RBFOX3: variants seen among roughly 807,000 people sequenced by gnomAD.
The protein encoded by RBFOX3 is RNA binding protein fox-1 homolog 3.
Under a neutral mutation model 48.7 loss-of-function variants are expected in RBFOX3, and 17 were observed. The observed-to-expected ratio is 0.35, with a 90% confidence interval of 0.24 to 0.52. The LOEUF (loss-of-function observed/expected upper bound fraction) is 0.52. Ranked by LOEUF, RBFOX3 falls within the 20% of genes least tolerant of loss-of-function variation. RBFOX3 has a pLI of 0.94. For missense variants in RBFOX3, 382 were observed against 497.5 expected (o/e 0.77, Z 2.21); for synonymous variants, 212 against 209.5 (o/e 1.01, Z -0.10).
intron 4 of RBFOX3, among the ~76,000 whole-genome samples, chr17:79,183,712 T>TGCGCGCGTGTGCGC (rs1211272795): frequency 6.6e-6 from 1 of 150,376 alleles, no homozygotes; most frequent in Non-Finnish European, 1.5e-5. Flanking sequence ...CGTGTGTGAG[T>TGCGCGCGTGTGCGC]GCGCGCGTGT....
chr17:79,206,385 G>A (rs2057482298), intron 4 of RBFOX3, among the ~76,000 whole-genome samples: 1 of 152,154 alleles, frequency 6.6e-6, no homozygotes, highest in Non-Finnish European at 1.5e-5. Flanking sequence ...CATCCCAGTG[G>A]TGCCCGACGT....
chr17:79,433,864 G>A (rs2068917295), intron 2 of RBFOX3, among the ~76,000 whole-genome samples: 1 of 152,234 alleles, frequency 6.6e-6, no homozygotes, highest in Non-Finnish European at 1.5e-5. Flanking sequence ...GGTCGCAAAA[G>A]TTTCATCGGT....
intron 1 of RBFOX3, among the ~76,000 whole-genome samples, chr17:79,523,401 G>C (rs1165240740): frequency 1.3e-5 from 2 of 152,206 alleles, no homozygotes; most frequent in Admixed American, 6.5e-5. Context: ...ACCCCACTGT[G>C]TTTCAAGTGT....
chr17:79,122,245 GTCC>G (rs1226999708), intron 4 of RBFOX3, among the ~76,000 whole-genome samples: 1 of 152,090 alleles, frequency 6.6e-6, no homozygotes, highest in African/African-American at 2.4e-5. Context: ...CTCCTGTCTG[GTCC>G]TCCTACTTCC....
intron 4 of RBFOX3, among the ~76,000 whole-genome samples, chr17:79,166,791 G>A (rs1331046670): frequency 6.6e-6 from 1 of 152,220 alleles, no homozygotes; most frequent in East Asian, 1.9e-4. Context: ...ACAAAGGGAA[G>A]TTGCCAATAA....
chr17:79,547,951 A>G (rs1371301106), intron 1 of RBFOX3, among the ~76,000 whole-genome samples: 2 of 152,206 alleles, frequency 1.3e-5, no homozygotes, highest in African/African-American at 4.8e-5. Context: ...GGCCCTGCCG[A>G]GGGCTGGCCA....
In RBFOX3 at chr17:79,161,388, G is replaced by GCTTC. The variant is rs1331604393; in HGVS notation, c.-33-45641_-33-45640insGAAG. ...GGCCTGGAAGCACCGCATGGCTCCAGCACACACCCCGATCCCATCACTTCC... is the reference window on the plus strand; with the variant it reads ...GGCCTGGAAGCACCGCATGGCTCCAGCTTCCACACACCCCGATCCCATCACTTCC... On this transcript the variant is annotated intron_variant, in intron 4 of 14. Transcript: ENST00000693108. Among the ~76,000 whole-genome samples, 44 of 152,304 alleles carry GCTTC rather than the reference G, an allele frequency of 2.9e-4. No individual in the cohort carries two copies. In the South Asian group the frequency reaches 3.5e-3, roughly 12 times the overall value.
the RBFOX3 span, among the ~76,000 whole-genome samples, chr17:79,638,698 G>A: frequency 6.6e-6 from 1 of 152,218 alleles, no homozygotes; most frequent in Non-Finnish European, 1.5e-5. Context: ...TCTTAGGGAA[G>A]AGGGGTGAGC....
intron 1 of RBFOX3, among the ~76,000 whole-genome samples, chr17:79,527,374 A>G (rs983450047): frequency 4.2e-4 from 64 of 152,366 alleles, no homozygotes; most frequent in African/African-American, 1.5e-3. Flanking sequence ...CTGCCACTGC[A>G]TATAGAAGAT....
At chr17:79,300,110 G>A (rs1427569349) in intron 3 of RBFOX3, among the ~76,000 whole-genome samples, 1 of 152,120 alleles carries the variant, frequency 6.6e-6, no homozygotes, top group Non-Finnish European at 1.5e-5. Flanking sequence ...TGCCATGTTG[G>A]CCAGGCTGGT....
chr17:79,436,715 A>T (rs184254187), intron 2 of RBFOX3, among the ~76,000 whole-genome samples: 192 of 152,248 alleles, frequency 1.3e-3, no homozygotes, highest in Non-Finnish European at 1.6e-3. Flanking sequence ...GAAAGAAGAA[A>T]GCTCAGGACC....
At chr17:79,246,498 G>A (rs1834608364) in intron 3 of RBFOX3, among the ~76,000 whole-genome samples, 2 of 152,224 alleles carry the variant, frequency 1.3e-5, no homozygotes, top group African/African-American at 4.8e-5. Context: ...TCCGGAGCTG[G>A]CGCTGCACGC....
chr17:79,242,650 G>A lies in RBFOX3; in HGVS notation c.-73-6845C>T, dbSNP rs998809781. Among the ~76,000 whole-genome samples the A allele has an allele frequency of 1.3e-5, 2 of 152,022 alleles. No homozygotes were observed. The highest frequency in any genetic ancestry group is 4.8e-5 in the African/African-American group (2 of 41,358). On this transcript the variant is annotated intron_variant, in intron 3 of 14. Transcript: ENST00000693108. This position sits in a 1 kb window ranked among gnomAD's most constrained non-coding sequence, Gnocchi z 5.8. ...TCTGAGCCATAAACTGTCACCATTA[G>A]GGAGACCGGGGAGTTCTGGCAGGTT...
intron 1 of RBFOX3, among the ~76,000 whole-genome samples, chr17:79,593,764 A>G (rs1336010152): frequency 6.6e-6 from 1 of 152,212 alleles, no homozygotes; most frequent in Non-Finnish European, 1.5e-5. Context: ...CACACTGGGC[A>G]CCAGTTCAGG....
In RBFOX3 at chr17:79,121,105, G is replaced by A. The variant is rs535419431; in HGVS notation, c.-33-5357C>T. On this transcript the variant is annotated intron_variant, in intron 4 of 14. Transcript: ENST00000693108. Reference sequence around the variant, plus strand: ...TTGCTTCCTGTTTTCTAGGAAACAGGAGACAACATCCACATTCACCTGCCC... The same window carrying A: ...TTGCTTCCTGTTTTCTAGGAAACAGAAGACAACATCCACATTCACCTGCCC... Among the ~76,000 whole-genome samples the A allele has an allele frequency of 4.6e-5, 7 of 152,128 alleles. No homozygotes were observed. The East Asian group carries it at 1.2e-3, about 25-fold the overall frequency.
intron 4 of RBFOX3, among the ~76,000 whole-genome samples, chr17:79,217,271 T>C (rs2059179209): frequency 6.6e-6 from 1 of 152,200 alleles, no homozygotes; most frequent in African/African-American, 2.4e-5. Flanking sequence ...ATATCTCCAG[T>C]GCTGCCCTTG....
rs576315727 is a variant in RBFOX3 at position 79,107,906 on chromosome 17, C to T, written c.223-1118G>A. On this transcript the variant is annotated intron_variant, in intron 5 of 14. Transcript: ENST00000693108. ...GGTGGTGGGTGCACGCTCCAGCTCC[C>T]GCGGGGTGCCCTGGAGGGGTTCTCA... is the stretch of plus-strand genomic sequence containing the variant. Among the ~76,000 whole-genome samples, 7 of 152,358 alleles carry T rather than the reference C, an allele frequency of 4.6e-5. No homozygotes were observed. The East Asian group carries it at 7.7e-4, about 17-fold the overall frequency.
rs1459351236 is a variant in RBFOX3, at chr17:79,433,492, T to A, written c.-175+48962A>T. Among the ~76,000 whole-genome samples, 5 of 152,340 alleles carry A rather than the reference T, an allele frequency of 3.3e-5. No homozygotes were observed. The East Asian group carries it at 7.7e-4, about 24-fold the overall frequency. ...GGCTGGCTGGCTTTTACCAACAGAA[T>A]GTGAGCAGACAATGTACACACAGGC... is the stretch of plus-strand genomic sequence containing the variant. On this transcript the variant is annotated intron_variant, in intron 2 of 14. Coordinates refer to ENST00000693108, the MANE Select transcript of RBFOX3 (RefSeq NM_001350451.2).
intron 2 of RBFOX3, among the ~76,000 whole-genome samples, chr17:79,314,588 G>C (rs548823338): frequency 6.6e-6 from 1 of 152,202 alleles, no homozygotes; most frequent in East Asian, 1.9e-4. Flanking sequence ...GAATGAAAGA[G>C]TGGACAAAGA....
Sources: gnomAD v4.1 joint callset for allele counts (sites outside exome capture counted in the v4.1 genomes callset) on GRCh38, gnomAD v4.1.1 for gene constraint, Gnocchi (gnomAD v3.1) non-coding constraint, MANE v1.5 for transcripts, NCBI Gene and HGNC (gene_info 2026-07-23, HGNC 2026-07-21) for gene names.